The following FBXO10 variants were observed in gnomAD, a reference collection of about 807,000 sequenced individuals.
The protein encoded by FBXO10 is F-box protein 10.
Under a neutral mutation model 80.7 loss-of-function variants are expected in FBXO10, and 39 were observed. That is an observed-to-expected ratio of 0.48 (90% confidence interval 0.37 to 0.63). The LOEUF (loss-of-function observed/expected upper bound fraction) is 0.63, where lower values mean the gene tolerates loss of function less well. Ranked by LOEUF, FBXO10 falls within the 30% of genes least tolerant of loss-of-function variation. The pLI is 0.00. For synonymous variants in FBXO10, 449 were observed against 489.6 expected (o/e 0.92, Z 1.09); for missense variants, 1,025 against 1,269.0 (o/e 0.81, Z 2.92).
intron 3 of FBXO10, among the ~76,000 whole-genome samples, chr9:37,533,065 TATA>T (rs1322163326): frequency 1.3e-5 from 2 of 152,220 alleles, no homozygotes; most frequent in African/African-American, 4.8e-5. Context: ...GAGATATTGG[TATA>T]ACAAAGCCTC....
intron 1 of FBXO10, among the ~76,000 whole-genome samples, chr9:37,561,074 G>A (rs971500311): frequency 1.3e-4 from 20 of 152,028 alleles, no homozygotes; most frequent in African/African-American, 4.8e-5. Flanking sequence ...CCCAGGAGGC[G>A]GGGCTTGCAG....
At chr9:37,553,730 A>T (rs935137780) in intron 1 of FBXO10, among the ~76,000 whole-genome samples, 2 of 142,340 alleles carry the variant, frequency 1.4e-5, no homozygotes, top group Non-Finnish European at 3.0e-5. Flanking sequence ...ACATGGAGAA[A>T]CCCCGTCTCT....
rs1257643750 is a variant in FBXO10, at chr9:37,511,881, C to T, written c.*666G>A. The T allele has an allele frequency of 6.6e-6, 1 of 152,448 alleles. No homozygotes were observed. Among genetic ancestry groups the T allele is most frequent in the African/African-American group, 2.4e-5 (1 of 41,458 alleles). 9.4% of individuals were successfully genotyped at this position (152,448 alleles called of 1,614,324 possible). On this transcript the variant is annotated 3_prime_UTR_variant, in exon 11 of 11. Transcript: ENST00000432825. ...GGATGGAGTAGAGCCTTGTGCATCC[C>T]TGCCCACCCAGCCTAGCATCTGCCT...
intron 7 of FBXO10, among the ~76,000 whole-genome samples, 164 bp downstream of exon 7, chr9:37,522,661 G>C (rs1821372148): frequency 6.6e-6 from 1 of 152,188 alleles, no homozygotes; most frequent in African/African-American, 2.4e-5. Flanking sequence ...ATTTGTAAGA[G>C]GCTCTTTGTT....
intron 10 of FBXO10, 60 bp downstream of exon 10, chr9:37,515,844 C>T: frequency 6.4e-7 from 1 of 1,552,840 alleles, no homozygotes; most frequent in Non-Finnish European, 8.8e-7. Context: ...GTGGGCCTGG[C>T]TTCTTCAGGG....
intron 7 of FBXO10, among the ~76,000 whole-genome samples, chr9:37,522,151 C>T (rs1015721990): frequency 1.3e-5 from 2 of 152,228 alleles, no homozygotes; most frequent in African/African-American, 4.8e-5. Flanking sequence ...ACCAATCCCT[C>T]CCTGCATAGG....
At chr9:37,526,062 C>T (rs1821464304) in intron 5 of FBXO10, among the ~76,000 whole-genome samples, 1 of 151,664 alleles carries the variant, frequency 6.6e-6, no homozygotes, top group Admixed American at 6.6e-5. Context: ...GATCCGTGGC[C>T]ACCTGGAGAA....
intron 1 of FBXO10, among the ~76,000 whole-genome samples, chr9:37,574,367 G>A (rs932219045): frequency 1.3e-5 from 2 of 152,220 alleles, no homozygotes; most frequent in Non-Finnish European, 2.9e-5. Context: ...CCTGGTGACT[G>A]CTTGAGCATT....
At chr9:37,530,150 CTAAGT>C (rs1390480432) in intron 4 of FBXO10, among the ~76,000 whole-genome samples, 1 of 152,162 alleles carries the variant, frequency 6.6e-6, no homozygotes, top group Non-Finnish European at 1.5e-5. Flanking sequence ...TTATCTCACT[CTAAGT>C]TAATTTATAG....
At chr9:37,520,874 C>T (rs1472693391) in intron 8 of FBXO10, among the ~76,000 whole-genome samples, 1 of 152,104 alleles carries the variant, frequency 6.6e-6, no homozygotes, top group East Asian at 1.9e-4. Context: ...GCTGGGTGGG[C>T]TTCAGTTCTT....
Position 37,574,945 on chromosome 9 carries a change from A to C in FBXO10, c.-7+1266T>G, listed in dbSNP as rs529797852. Among the ~76,000 whole-genome samples the C allele has an allele frequency of 4.6e-5, 7 of 152,294 alleles. No homozygotes were observed. In the East Asian group the frequency reaches 7.7e-4, roughly 17 times the overall value. On this transcript the variant is annotated intron_variant, in intron 1 of 10. Coordinates refer to ENST00000432825, the MANE Select transcript of FBXO10 (RefSeq NM_012166.3). ...TAAATGCGGAATGAGATTAGAACTG[A>C]GGGAAAGCACAGTGCCTGGTAAAAG...
intron 3 of FBXO10, among the ~76,000 whole-genome samples, chr9:37,534,707 C>T (rs1194316689): frequency 6.6e-6 from 1 of 152,136 alleles, no homozygotes; most frequent in East Asian, 1.9e-4. Context: ...GAGACAGCAC[C>T]CTCCTGACGC....
intron 4 of FBXO10, among the ~76,000 whole-genome samples, 162 bp downstream of exon 4, chr9:37,531,747 C>T (rs894634703): frequency 1.3e-5 from 2 of 152,144 alleles, no homozygotes; most frequent in Admixed American, 6.5e-5. Flanking sequence ...TGCTAATACA[C>T]AGACAGAGAC....
intron 3 of FBXO10, among the ~76,000 whole-genome samples, chr9:37,536,653 C>T (rs1201352038): frequency 6.6e-6 from 1 of 152,174 alleles, no homozygotes; most frequent in Admixed American, 6.6e-5. Context: ...ACTCTCCACC[C>T]CTTCTTATCA....
rs765920631 is a variant in FBXO10, at chr9:37,541,236, C to T, written c.533G>A (p.Arg178His). Residue 178 changes from arginine (R) to histidine (H), a missense_variant, in exon 2 of 11, where the codon CGC becomes CAC. Arg to His is a conservative substitution (Grantham distance 29, BLOSUM62 0). Transcript: ENST00000432825. ...TGGCGTGAAGACGAGGTTGCACAGG[C>T]GTGTGGTTGAGCAGTGCTGATCAAT... ...ASIDQHCSTT[R>H]LCNLVFTPAW... 9 of 1,613,194 alleles carry T rather than the reference C, an allele frequency of 5.6e-6. No individual in the cohort carries two copies. The highest frequency in any genetic ancestry group is 6.8e-6 in the Non-Finnish European group (8 of 1,179,474).
rs574814970 is a variant in FBXO10, at chr9:37,518,256, G to A, written c.2383C>T (p.Arg795Trp). 31 of 1,614,026 alleles carry A rather than the reference G, an allele frequency of 1.9e-5. No homozygotes were observed. The highest frequency in any genetic ancestry group is 8.0e-5 in the African/African-American group (6 of 75,048). ...CTGTTGTCATAGATACCATTGCCCC[G>A]GAGCTCCACTTTGCACTGGGCCTCA... is the stretch of plus-strand genomic sequence containing the variant. ...KVEAQCKVELRGNGIYDNRGH... is the reference protein window; with the variant it reads ...KVEAQCKVELWGNGIYDNRGH... The change falls in exon 9 of 11, where the codon CGG (arginine) becomes TGG (tryptophan). Residue 795 changes from arginine to tryptophan, a missense_variant. Arg to Trp is a moderately radical substitution (Grantham distance 101, BLOSUM62 -3). Around this residue, in one of 3 missense-constraint regions of FBXO10, gnomAD observed 478 missense variants for 667.8 expected, o/e 0.72. Transcript: ENST00000432825.
intron 1 of FBXO10, among the ~76,000 whole-genome samples, chr9:37,567,310 ATT>A (rs35827022): frequency 8.1e-5 from 11 of 136,540 alleles, no homozygotes; most frequent in Admixed American, 1.5e-4. Flanking sequence ...ACCCAGCTAA[ATT>A]TTTTTTTTTT....
intron 1 of FBXO10, among the ~76,000 whole-genome samples, chr9:37,573,387 A>G (rs1822808887): frequency 6.6e-6 from 1 of 152,176 alleles, no homozygotes; most frequent in Non-Finnish European, 1.5e-5. Context: ...CTGAGCACGC[A>G]AGCATAAATG....
At chr9:37,522,278 G>A (rs976253865) in intron 7 of FBXO10, 19 of 840,944 alleles carry the variant, frequency 2.3e-5, no homozygotes, top group South Asian at 5.3e-5. Flanking sequence ...GTTAATAACC[G>A]TGCCTCCTTC....
Sources: gnomAD v4.1 joint callset for allele counts (sites outside exome capture counted in the v4.1 genomes callset) on GRCh38, gnomAD v4.1.1 for gene constraint, gnomAD v4.1.1 regional missense constraint, MANE v1.5 for transcripts, NCBI Gene and HGNC (gene_info 2026-07-23, HGNC 2026-07-21) for gene names.